The following CSRP2 variants were observed in gnomAD, a reference collection of about 807,000 sequenced individuals.
CSRP2 encodes cysteine and glycine rich protein 2, also known as cysteine and glycine-rich protein 2.
CSRP2 carries 18 observed loss-of-function variants against 24.6 expected under a neutral mutation model. That is an observed-to-expected ratio of 0.73 (90% CI 0.51 to 1.09). The LOEUF (loss-of-function observed/expected upper bound fraction) is 1.09. Among genes scored for constraint, CSRP2 ranks in the 50% least tolerant of loss-of-function variants. CSRP2 has a pLI of 0.00. For missense variants in CSRP2, 215 were observed against 239.4 expected (o/e 0.90, Z 0.67); for synonymous variants, 87 against 84.3 (o/e 1.03, Z -0.18).
chr12:76,878,352 G>C (rs879766259), intron 1 of CSRP2: 2 of 152,334 alleles, frequency 1.3e-5, no homozygotes, highest in Admixed American at 1.3e-4. Context: ...TTCGGTGCTG[G>C]GTGGGCAGAC....
chr12:76,878,424 G>A (rs1392794942), intron 1 of CSRP2: 3 of 152,300 alleles, frequency 2.0e-5, no homozygotes, highest in African/African-American at 7.2e-5. Flanking sequence ...CCCTGGGCTC[G>A]GGGGGATGTA....
chr12:76,860,071 G>A (rs758979922), intron 4 of CSRP2, among the ~76,000 whole-genome samples: 1 of 152,102 alleles, frequency 6.6e-6, no homozygotes, highest in African/African-American at 2.4e-5. Flanking sequence ...TGCCCCCTAT[G>A]AAAACAAGTT....
At chr12:76,863,125 A>G (rs1000005269) in intron 3 of CSRP2, 51 bp downstream of exon 3, 1 of 1,563,860 alleles carries the variant, frequency 6.4e-7, no homozygotes, top group Non-Finnish European at 8.7e-7. Flanking sequence ...AGCAAGCGGC[A>G]CTAACTGTCG....
At chr12:76,861,145 C>T (rs1438485310) in intron 3 of CSRP2, 4 of 151,336 alleles carry the variant, frequency 2.6e-5, no homozygotes, top group South Asian at 2.1e-4. Context: ...AGAACATTCT[C>T]GGGCTTTGAG....
chr12:76,863,015 C>G, intron 3 of CSRP2, 161 bp downstream of exon 3: 1 of 1,434,766 alleles, frequency 7.0e-7, no homozygotes, highest in Non-Finnish European at 9.1e-7. Flanking sequence ...TTGTTAGGTC[C>G]AAAACTCAAT....
intron 3 of CSRP2, chr12:76,861,364 A>ATT (rs762143705): frequency 3.5e-4 from 38 of 108,800 alleles, no homozygotes; most frequent in African/African-American, 1.3e-3. Context: ...ATATATATAT[A>ATT]TATTTTTTTT....
At chr12:76,861,784 T>G (rs1190740753) in intron 3 of CSRP2, 1 of 152,182 alleles carries the variant, frequency 6.6e-6, no homozygotes, top group East Asian at 1.9e-4. Flanking sequence ...ACTCTTAGTG[T>G]CGTCATCTAT....
Position 76,858,980 on chromosome 12 carries a change from C to T in CSRP2, c.554G>A (p.Gly185Glu). ...CTGGGCATGAACAAGAGCCCCTGCT[C>T]CTTGGCCATAGCCAAATCCCTTGGG... ...FGPKGFGYGQGAGALVHAQ is the reference protein window; with the variant it reads ...FGPKGFGYGQEAGALVHAQ The change falls in exon 6 of 6, where the codon GGA (glycine) becomes GAA (glutamate). Residue 185 changes from glycine (G) to glutamate (E), a missense_variant. By Grantham distance (98) the Gly-to-Glu change is moderately conservative (BLOSUM62 -2). Coordinates refer to ENST00000311083, the MANE Select transcript of CSRP2 (RefSeq NM_001321.3). 6.2e-7 allele frequency: 1 copy of T among 1,614,216 alleles called. No individual in the cohort carries two copies. The highest frequency in any genetic ancestry group is 8.5e-7 in the Non-Finnish European group (1 of 1,180,018).
chr12:76,877,419 G>A (rs989823723), intron 1 of CSRP2, among the ~76,000 whole-genome samples: 1 of 152,132 alleles, frequency 6.6e-6, no homozygotes, highest in African/African-American at 2.4e-5. Flanking sequence ...TTTATGATAC[G>A]AACTTTAGAT....
chr12:76,866,749 T>C (rs751613276), intron 1 of CSRP2, among the ~76,000 whole-genome samples: 4 of 152,260 alleles, frequency 2.6e-5, no homozygotes, highest in Non-Finnish European at 4.4e-5. Flanking sequence ...ATATAAGCTA[T>C]AACACGCTTT....
At chr12:76,869,383 A>G (rs1953769053) in intron 1 of CSRP2, among the ~76,000 whole-genome samples, 1 of 152,126 alleles carries the variant, frequency 6.6e-6, no homozygotes, top group African/African-American at 2.4e-5. Context: ...CTCAAACCAT[A>G]GCAACCCCCA....
At chr12:76,869,814 T>C (rs887335928) in intron 1 of CSRP2, among the ~76,000 whole-genome samples, 1 of 152,172 alleles carries the variant, frequency 6.6e-6, no homozygotes, top group African/African-American at 2.4e-5. Flanking sequence ...CACTCCATTG[T>C]TGAAATCCAG....
At chr12:76,866,472 ATT>A (rs34861040) in intron 1 of CSRP2, among the ~76,000 whole-genome samples, 26 of 149,924 alleles carry the variant, frequency 1.7e-4, no homozygotes, top group Admixed American at 2.7e-4. Flanking sequence ...CGTGCACAAG[ATT>A]TTTTTTTTTT....
At chr12:76,874,957 TG>T (rs1208430088) in intron 1 of CSRP2, among the ~76,000 whole-genome samples, 5 of 152,118 alleles carry the variant, frequency 3.3e-5, no homozygotes, top group Non-Finnish European at 1.5e-5. Flanking sequence ...CCAAAAAGGA[TG>T]GGGACTGATG....
At chr12:76,864,331 G>T (rs1030222814) in intron 2 of CSRP2, 4 of 152,202 alleles carry the variant, frequency 2.6e-5, no homozygotes, top group African/African-American at 9.6e-5. Context: ...CCAGAAGCTC[G>T]GAAGGGTAGG....
At chr12:76,860,515 G>A in intron 3 of CSRP2, 102 bp from the exon 4 acceptor site, 1 of 1,382,720 alleles carries the variant, frequency 7.2e-7, no homozygotes. Flanking sequence ...CCGCTACACT[G>A]CCTCAAAGCT....
At position 76,863,252 on chromosome 12, in the gene CSRP2, T is replaced by C; in HGVS notation, c.205A>G (p.Lys69Glu). The C allele has an allele frequency of 6.2e-7, 1 of 1,614,248 alleles. No individual in the cohort carries two copies. Among genetic ancestry groups the C allele is most frequent in the Non-Finnish European group, 8.5e-7 (1 of 1,180,040 alleles). Residue 69 changes from lysine (K) to glutamate (E), a missense_variant, in exon 3 of 6, where the codon AAA (lysine) becomes GAA (glutamate). Transcript: ENST00000311083. ...KSCYGKKYGP[K>E]GYGYGQGAGT... ...GCGCCCTGGCCATAACCGTAGCCTT[T>C]TGGCCCATACTTCTTTCCGTAGCAG...
At chr12:76,869,529 A>AAC (rs57542492) in intron 1 of CSRP2, among the ~76,000 whole-genome samples, 19,312 of 135,208 alleles carry the variant, frequency 0.14, 1,381 homozygotes, top group Middle Eastern at 0.2. Flanking sequence ...TAAAACAAAC[A>AAC]ACACACACAC....
chr12:76,878,909 C>G (rs1953878167), intron 1 of CSRP2, 29 bp downstream of exon 1: 1 of 152,230 alleles, frequency 6.6e-6, no homozygotes, highest in South Asian at 2.1e-4. Flanking sequence ...TTGGCGGCGC[C>G]GCGGAACCGC....
Sources: allele counts gnomAD v4.1 joint callset (sites outside exome capture counted in the v4.1 genomes callset), GRCh38; gene constraint gnomAD v4.1.1; transcripts MANE v1.5; gene names NCBI Gene and HGNC (gene_info 2026-07-23, HGNC 2026-07-21).